The following NPR3 variants were observed in gnomAD, a reference collection of about 807,000 sequenced individuals.
NPR3 encodes atrial natriuretic peptide receptor 3.
A neutral mutation model predicts 54.5 loss-of-function variants in NPR3; 34 were observed. The ratio of observed to expected loss-of-function variants is 0.62; its 90% CI spans 0.47 to 0.83. NPR3 has a LOEUF of 0.83. NPR3 is among the 40% of genes least tolerant of loss of function. The pLI is 0.00. For missense variants in NPR3, 674 were observed against 720.8 expected, an observed-to-expected ratio of 0.94 and a Z score of 0.74; for synonymous variants, 289 against 297.1, an observed-to-expected ratio of 0.97 and a Z score of 0.28.
Position 32,735,139 on chromosome 5 carries a change from C to T in NPR3, c.893-3725C>T, listed in dbSNP as rs147675296. Among the ~76,000 whole-genome samples the T allele has an allele frequency of 4.6e-3, 696 of 152,280 alleles. 5 individuals carry two copies. Among genetic ancestry groups the T allele is most frequent in the South Asian group, 0.025 (119 of 4,828 alleles). ...TAGTCCTCACTCCTCTTTTTGGCTT[C>T]GGAGTAGCATTTCCACCTCTAGCCT... On this transcript the variant is annotated intron_variant, in intron 2 of 7. Coordinates refer to ENST00000265074, the MANE Select transcript of NPR3 (RefSeq NM_001204375.2).
upstream of NPR3, among the ~76,000 whole-genome samples, chr5:32,708,746 A>C (rs1337015737): frequency 6.6e-6 from 1 of 152,222 alleles, no homozygotes; most frequent in Non-Finnish European, 1.5e-5. Flanking sequence ...CTTGATGGAA[A>C]GTAAACAAAC....
upstream of NPR3, among the ~76,000 whole-genome samples, chr5:32,708,269 C>T (rs556875156): frequency 7.1e-4 from 108 of 152,078 alleles, no homozygotes; most frequent in South Asian, 2.1e-3. Flanking sequence ...TTATTTTTCC[C>T]CATTTCAGTG....
intron 1 of NPR3, among the ~76,000 whole-genome samples, chr5:32,699,900 T>G (rs1443919023): frequency 2.0e-5 from 3 of 152,342 alleles, no homozygotes; most frequent in South Asian, 4.1e-4. Flanking sequence ...GATGAAATCC[T>G]TAGCTTTTGC....
chr5:32,711,856 G>GTGGCGT lies in NPR3; in HGVS notation c.86_91dup (p.Val29_Gly30dup), dbSNP rs1278262239. 1 of 1,463,690 alleles carries GTGGCGT rather than the reference G, an allele frequency of 6.8e-7. No homozygotes were observed. Among genetic ancestry groups the GTGGCGT allele is most frequent in the Non-Finnish European group, 9.0e-7 (1 of 1,109,924 alleles). 90.7% of individuals were successfully genotyped at this position (1,463,690 alleles called of 1,614,324 possible). A position where few individuals can be genotyped will look rare whatever the true frequency, so the allele number is the denominator to read the frequency against. ...TTGCTGGCCGGCGGCACCGGTGGCG[G>GTGGCGT]TGGCGTTGGCGGCGGCGGCGGTGGC... is the stretch of plus-strand genomic sequence containing the variant. On this transcript the variant is annotated inframe_insertion, in exon 1 of 8. Coordinates refer to ENST00000265074, the MANE Select transcript of NPR3 (RefSeq NM_001204375.2).
intron 2 of NPR3, among the ~76,000 whole-genome samples, chr5:32,729,437 A>G (rs1739345041): frequency 6.6e-6 from 1 of 152,116 alleles, no homozygotes; most frequent in African/African-American, 2.4e-5. Flanking sequence ...AACATTTTGG[A>G]TTTCCCACTT....
At chr5:32,769,804 C>T (rs1741657576) in intron 3 of NPR3, among the ~76,000 whole-genome samples, 1 of 152,216 alleles carries the variant, frequency 6.6e-6, no homozygotes, top group Non-Finnish European at 1.5e-5. Flanking sequence ...TCTCACTTTA[C>T]AGAACAGCTG....
chr5:32,732,818 TTTA>T (rs1370366381), intron 2 of NPR3, among the ~76,000 whole-genome samples: 1 of 152,088 alleles, frequency 6.6e-6, no homozygotes, highest in Non-Finnish European at 1.5e-5. Context: ...TCTATTTTAT[TTTA>T]TTATTTATTA....
chr5:32,711,728 G>A lies in NPR3; in HGVS notation c.-49G>A. The A allele has an allele frequency of 7.1e-7, 1 of 1,410,556 alleles. No homozygotes were observed. 87.4% of individuals were successfully genotyped at this position (1,410,556 alleles called of 1,614,324 possible). On this transcript the variant is annotated 5_prime_UTR_variant, in exon 1 of 8. Coordinates refer to ENST00000265074, the MANE Select transcript of NPR3 (RefSeq NM_001204375.2). ...AGGAAAGAGGAAGGGTGGGTGGGGG[G>A]CAGAGGGCGAGTCGGCGGCGGCGAG...
chr5:32,753,515 T>A (rs1362222884), intron 3 of NPR3, among the ~76,000 whole-genome samples: 1 of 151,962 alleles, frequency 6.6e-6, no homozygotes, highest in African/African-American at 2.4e-5. Flanking sequence ...TCAGTGTAAC[T>A]GAAGGAGTCT....
chr5:32,734,121 G>T (rs529411502), intron 2 of NPR3, among the ~76,000 whole-genome samples: 1 of 152,302 alleles, frequency 6.6e-6, no homozygotes, highest in South Asian at 2.1e-4. Flanking sequence ...CCATTAAGGG[G>T]TGCTGTTATT....
chr5:32,778,704 C>T (rs1209142578), intron 4 of NPR3, among the ~76,000 whole-genome samples: 4 of 152,190 alleles, frequency 2.6e-5, no homozygotes, highest in Non-Finnish European at 2.9e-5. Flanking sequence ...ACCTTATGTA[C>T]GATACTCTCA....
intron 1 of NPR3, among the ~76,000 whole-genome samples, chr5:32,716,108 CAG>C (rs1376894733): frequency 3.3e-5 from 5 of 152,112 alleles, no homozygotes; most frequent in African/African-American, 1.2e-4. Flanking sequence ...TTATGAACAA[CAG>C]AAATAAAGAT....
At chr5:32,742,922 ACT>A (rs891162503) in intron 3 of NPR3, among the ~76,000 whole-genome samples, 40 of 152,108 alleles carry the variant, frequency 2.6e-4, no homozygotes, top group Non-Finnish European at 4.6e-4. Context: ...GATACCACTG[ACT>A]CTATTTCTTA....
In NPR3 at chr5:32,712,158, C is replaced by G. The variant is rs1020773035; in HGVS notation, c.382C>G (p.Pro128Ala). 4 of 1,613,364 alleles carry G rather than the reference C, an allele frequency of 2.5e-6. No individual in the cohort carries two copies. Among genetic ancestry groups the G allele is most frequent in the Non-Finnish European group, 3.4e-6 (4 of 1,179,780 alleles). ...CGTGGCGGCGGCGCGGGGCGCCAAGCCAGACCTTATCCTGGGGCCAGTGTG... is the reference window on the plus strand; with the variant it reads ...CGTGGCGGCGGCGCGGGGCGCCAAGGCAGACCTTATCCTGGGGCCAGTGTG... ...DRVAAARGAK[P>A]DLILGPVCEY... Residue 128 changes from proline (P) to alanine (A), a missense_variant, in exon 1 of 8, where the codon CCA becomes GCA. By Grantham distance (27) the Pro-to-Ala change is conservative. Coordinates refer to ENST00000265074, the MANE Select transcript of NPR3 (RefSeq NM_001204375.2).
At chr5:32,764,207 G>A (rs989911730) in intron 3 of NPR3, among the ~76,000 whole-genome samples, 1 of 152,150 alleles carries the variant, frequency 6.6e-6, no homozygotes, top group African/African-American at 2.4e-5. Context: ...GACAGCAGAA[G>A]TTTATGAAAG....
upstream of NPR3, chr5:32,710,843 C>G: frequency 2.3e-6 from 3 of 1,301,120 alleles, no homozygotes; most frequent in South Asian, 4.7e-5. Context: ...AGAACCATCC[C>G]TTTCCCCCAG....
Position 32,701,734 on chromosome 5 carries a change from C to T in NPR3, c.100+12548C>T, listed in dbSNP as rs185592640. Among the ~76,000 whole-genome samples, 517 of 152,294 alleles carry T rather than the reference C, an allele frequency of 3.4e-3. 3 individuals carry two copies. Among genetic ancestry groups the T allele is most frequent in the African/African-American group, 0.012 (483 of 41,558 alleles). ...TCACTGCATCTGTATCTGCATTAGG[C>T]GGCATCCCAAGCTCAGTCATGCTGT... On this transcript the variant is annotated intron_variant, in intron 1 of 5. Coordinates refer to the NPR3 transcript ENST00000509104.
chr5:32,754,416 C>T (rs1035112426), intron 3 of NPR3, among the ~76,000 whole-genome samples: 3 of 151,858 alleles, frequency 2.0e-5, no homozygotes, highest in Admixed American at 6.6e-5. Context: ...TCCCAGCAGC[C>T]GAGTGTAGAA....
intron 3 of NPR3, among the ~76,000 whole-genome samples, chr5:32,751,439 AG>A: frequency 6.6e-6 from 1 of 152,318 alleles, no homozygotes. Flanking sequence ...GAGGGAAGGC[AG>A]GGTCCTGACT....
Sources: allele counts gnomAD v4.1 joint callset (sites outside exome capture counted in the v4.1 genomes callset), GRCh38; gene constraint gnomAD v4.1.1; transcripts MANE v1.5; gene names NCBI Gene and HGNC (gene_info 2026-07-23, HGNC 2026-07-21).